LARS2: variants seen among roughly 807,000 people sequenced by gnomAD.
The protein encoded by LARS2 is leucine--tRNA ligase, mitochondrial.
LARS2 carries 81 observed loss-of-function variants against 116.6 expected under a neutral mutation model. That is an observed-to-expected ratio of 0.69 (90% confidence interval 0.58 to 0.84). The LOEUF is 0.84. Ranked by LOEUF, LARS2 falls within the 40% of genes least tolerant of loss-of-function variation. The pLI is 0.00. For missense variants in LARS2, 968 were observed against 1,114.5 expected (o/e 0.87, Z 1.87); for synonymous variants, 396 against 407.2 (o/e 0.97, Z 0.33).
intron 7 of LARS2, among the ~76,000 whole-genome samples, chr3:45,454,117 G>C (rs974585139): frequency 3.9e-5 from 6 of 152,130 alleles, no homozygotes; most frequent in African/African-American, 1.4e-4. Flanking sequence ...GGGCTGGCTG[G>C]GGCAGCAAGC....
intron 15 of LARS2, among the ~76,000 whole-genome samples, chr3:45,508,963 G>A (rs1700239226): frequency 1.3e-5 from 2 of 151,694 alleles, no homozygotes; most frequent in South Asian, 4.2e-4. Context: ...GCTATCAGTT[G>A]TTGCAATTTC....
intron 6 of LARS2, among the ~76,000 whole-genome samples, chr3:45,420,893 C>T (rs854204): frequency 0.11 from 16,094 of 152,156 alleles, 2,780 homozygotes; most frequent in African/African-American, 0.36. Flanking sequence ...TTAGAACATA[C>T]AGAAAAGTAT....
At chr3:45,409,089 A>G (rs1449573379) in intron 4 of LARS2, among the ~76,000 whole-genome samples, 2 of 152,244 alleles carry the variant, frequency 1.3e-5, no homozygotes, top group Non-Finnish European at 2.9e-5. Context: ...ACATGGAAAA[A>G]ATGTTCTGAA....
chr3:45,481,826 A>C (rs1280808475), intron 10 of LARS2, among the ~76,000 whole-genome samples: 1 of 152,098 alleles, frequency 6.6e-6, no homozygotes, highest in Non-Finnish European at 1.5e-5. Context: ...GTGCCCTTTG[A>C]AGCACAAGTT....
At chr3:45,503,407 C>T (rs1296823265) in intron 15 of LARS2, among the ~76,000 whole-genome samples, 2 of 152,004 alleles carry the variant, frequency 1.3e-5, no homozygotes, top group African/African-American at 2.4e-5. Context: ...TTCTAGACTC[C>T]CAAGGTTGCT....
At chr3:45,534,805 T>G (rs1700675253) in intron 20 of LARS2, among the ~76,000 whole-genome samples, 1 of 152,368 alleles carries the variant, frequency 6.6e-6, no homozygotes, top group Admixed American at 6.5e-5. Context: ...AGACCTTTTA[T>G]AAGAAACAGA....
Position 45,508,003 on chromosome 3 carries a change from C to T in LARS2, c.1761-5132C>T, listed in dbSNP as rs559287168. Among the ~76,000 whole-genome samples, 9 of 152,134 alleles carry T rather than the reference C, an allele frequency of 5.9e-5. No homozygotes were observed. The East Asian group carries it at 9.6e-4, about 16-fold the overall frequency. ...TTGAAAGAGAGGGGGCACATTAGAG[C>T]GTGGGAACATGTCATGGCCCATCTT... On this transcript the variant is annotated intron_variant, in intron 15 of 21. Transcript: ENST00000645846.
chr3:45,491,619 C>T lies in LARS2; in HGVS notation c.1342C>T (p.Leu448=), dbSNP rs142345373. The change falls in exon 13 of 22, where the codon CTG becomes TTG. Residue 448 remains leucine (L), a synonymous_variant. Transcript: ENST00000645846. Reference sequence around the variant, plus strand: ...GACAAGTGATAAACTGAAAGACTGGCTGATTTCACGGCAGCGGTACTGGGG... The same window carrying T: ...GACAAGTGATAAACTGAAAGACTGGTTGATTTCACGGCAGCGGTACTGGGG... ...DVTSDKLKDW[L]ISRQRYWGTP... The T allele has an allele frequency of 9.3e-6, 15 of 1,614,088 alleles. No individual in the cohort carries two copies. The highest frequency in any genetic ancestry group is 1.3e-5 in the Non-Finnish European group (15 of 1,180,048).
chr3:45,492,174 C>G (rs1352178029), intron 13 of LARS2, among the ~76,000 whole-genome samples: 1 of 152,220 alleles, frequency 6.6e-6, no homozygotes, highest in Non-Finnish European at 1.5e-5. Context: ...GTTCTCTTCT[C>G]CACCTTGCAG....
At chr3:45,502,965 T>G (rs1700144087) in intron 15 of LARS2, among the ~76,000 whole-genome samples, 1 of 152,062 alleles carries the variant, frequency 6.6e-6, no homozygotes, top group South Asian at 2.1e-4. Flanking sequence ...TTTAGTCATT[T>G]GTTGTTTCTG....
Position 45,394,560 on chromosome 3 carries a change from G to A in LARS2, c.107G>A (p.Cys36Tyr), listed in dbSNP as rs1159926651. The part of the protein sequence containing the change: ...IKWERRVIPG[C>Y]TRSIYSATGK... ...TGGGAAAGGAGAGTAATTCCCGGAT[G>A]TACCAGAAGCATCTACAGTGCCACG... The change falls in exon 3 of 22, where the codon TGT (cysteine) becomes TAT (tyrosine). Residue 36 changes from cysteine (C) to tyrosine (Y), a missense_variant. By Grantham distance (194) the Cys-to-Tyr change is radical. Coordinates refer to ENST00000645846, the MANE Select transcript of LARS2 (RefSeq NM_015340.4). The A allele has an allele frequency of 3.1e-6, 5 of 1,613,942 alleles. No homozygotes were observed. In the Admixed American group the frequency reaches 5.0e-5, roughly 16 times the overall value.
Position 45,403,319 on chromosome 3 carries a change from T to G in LARS2, c.363+2946T>G, listed in dbSNP as rs531318234. Among the ~76,000 whole-genome samples, 94 of 152,050 alleles carry G rather than the reference T, an allele frequency of 6.2e-4. 1 individual carries two copies. Among genetic ancestry groups the G allele is most frequent in the African/African-American group, 2.0e-3 (81 of 41,480 alleles). On this transcript the variant is annotated intron_variant, in intron 4 of 21. Transcript: ENST00000645846. Reference sequence around the variant, plus strand: ...GCAAATTGCCTACAATTAAGCTTTTTTTTGTTTGTTTTTTGAGGCGGATCT... The same window carrying G: ...GCAAATTGCCTACAATTAAGCTTTTGTTTGTTTGTTTTTTGAGGCGGATCT...
Position 45,474,265 on chromosome 3 carries a change from A to G in LARS2, c.773A>G (p.Asp258Gly), listed in dbSNP as rs758612799. The stretch of plus-strand genomic sequence containing the variant: ...CAGGCCATGCAGGACGCGTTGGCAG[A>G]CCTTCCAGAATGGTATGGAATAAAA... ...YAKAMQDALA[D>G]LPEWYGIKGM... Residue 258 changes from aspartate (D) to glycine (G), a missense_variant, in exon 9 of 22, where the codon GAC (aspartate) becomes GGC (glycine). Asp to Gly is a moderately conservative substitution (Grantham distance 94). Transcript: ENST00000645846. 6.2e-7 allele frequency: 1 copy of G among 1,610,446 alleles called. No individual in the cohort carries two copies. The highest frequency in any genetic ancestry group is 1.1e-5 in the South Asian group (1 of 90,668).
In LARS2 at chr3:45,524,063, A is replaced by G; in HGVS notation, c.2359A>G (p.Met787Val). The change falls in exon 20 of 22, where the codon ATG becomes GTG. Residue 787 changes from methionine to valine, a missense_variant. Transcript: ENST00000645846. ...GGATGCTTTGTGTGCCCTGATGGTA[A>G]TGGCTGCTCCACTGGCCCCTCATGT... ...FEDALCALMV[M>V]AAPLAPHVTS... 1 of 1,613,820 alleles carries G rather than the reference A, an allele frequency of 6.2e-7. No individual in the cohort carries two copies. Among genetic ancestry groups the G allele is most frequent in the Non-Finnish European group, 8.5e-7 (1 of 1,179,826 alleles).
chr3:45,413,705 A>G (rs1427976018), intron 4 of LARS2, among the ~76,000 whole-genome samples: 2 of 152,242 alleles, frequency 1.3e-5, no homozygotes, highest in Non-Finnish European at 1.5e-5. Flanking sequence ...CTAAAAATCA[A>G]CTTAAAAAAT....
Position 45,541,858 on chromosome 3 carries a change from G to C in LARS2, c.2434G>C (p.Ala812Pro), listed in dbSNP as rs754494706. Residue 812 changes from alanine (A) to proline (P), a missense_variant, in exon 21 of 22, where the codon GCC (alanine) becomes CCC (proline). By Grantham distance (27) the Ala-to-Pro change is conservative. Coordinates refer to ENST00000645846, the MANE Select transcript of LARS2 (RefSeq NM_015340.4). Reference sequence around the variant, plus strand: ...GGCGCTGGTGCCGAGGAAGCTCTGTGCCCACTACACTTGGGATGCCAGTGT... The same window carrying C: ...GGCGCTGGTGCCGAGGAAGCTCTGTCCCCACTACACTTGGGATGCCAGTGT... ...GLALVPRKLCAHYTWDASVLL... is the reference protein window; with the variant it reads ...GLALVPRKLCPHYTWDASVLL... The C allele has an allele frequency of 1.2e-6, 2 of 1,614,230 alleles. No individual in the cohort carries two copies. The highest frequency in any genetic ancestry group is 3.3e-5 in the Admixed American group (2 of 60,030).
intron 4 of LARS2, among the ~76,000 whole-genome samples, chr3:45,403,383 C>T (rs75855351): frequency 0.1 from 15,827 of 151,822 alleles, 990 homozygotes; most frequent in Middle Eastern, 0.17. Flanking sequence ...ATGGTGCGAT[C>T]TCAGCTCACT....
At chr3:45,485,481 G>A (rs1011932126) in intron 10 of LARS2, among the ~76,000 whole-genome samples, 25 of 152,306 alleles carry the variant, frequency 1.6e-4, no homozygotes, top group South Asian at 2.1e-4. Flanking sequence ...TCATGAGCAT[G>A]GAAGAACATT....
chr3:45,407,502 C>T (rs1055642176), intron 4 of LARS2, among the ~76,000 whole-genome samples: 2 of 152,142 alleles, frequency 1.3e-5, no homozygotes, highest in Non-Finnish European at 2.9e-5. Flanking sequence ...CTGCTTTGGG[C>T]CTAGGTACTG....
Sources: gnomAD v4.1 joint callset for allele counts (sites outside exome capture counted in the v4.1 genomes callset) on GRCh38, gnomAD v4.1.1 for gene constraint, MANE v1.5 for transcripts, NCBI Gene and HGNC (gene_info 2026-07-23, HGNC 2026-07-21) for gene names.